DAB1: variants seen among roughly 807,000 people sequenced by gnomAD.
DAB1 encodes DAB adaptor protein 1, also known as disabled homolog 1.
A neutral mutation model predicts 64.6 loss-of-function variants in DAB1; 15 were observed. The observed-to-expected ratio is 0.23, with a 90% confidence interval of 0.16 to 0.36. The LOEUF (loss-of-function observed/expected upper bound fraction) is 0.36. DAB1 is among the 10% of genes least tolerant of loss of function. The pLI is 1.00. For missense variants in DAB1, 596 were observed against 706.7 expected, an observed-to-expected ratio of 0.84 and a Z score of 1.78; for synonymous variants, 235 against 251.9, an observed-to-expected ratio of 0.93 and a Z score of 0.64.
rs577260984 is a variant in DAB1 at position 57,597,943 on chromosome 1, T to A, written n.625+51649A>T. Among the ~76,000 whole-genome samples the A allele has an allele frequency of 3.3e-5, 5 of 152,330 alleles. No homozygotes were observed. In the East Asian group the frequency reaches 9.6e-4, roughly 29 times the overall value. ...TCTGATTCATTAGACCTTGGGTATG[T>A]ATCCACATTTTTATTTATTTTTTAG... is the stretch of plus-strand genomic sequence containing the variant. On this transcript the variant is annotated intron_variant and non_coding_transcript_variant, in intron 7 of 20. Coordinates refer to the DAB1 transcript ENST00000485760.
intron 6 of DAB1, among the ~76,000 whole-genome samples, chr1:57,719,940 T>A (rs986181646): frequency 2.0e-5 from 3 of 152,238 alleles, no homozygotes; most frequent in African/African-American, 7.2e-5. Context: ...AGCTGTTACT[T>A]ATCATTCTAT....
At chr1:57,043,356 A>G (rs1394527540) in intron 9 of DAB1, among the ~76,000 whole-genome samples, 1 of 152,162 alleles carries the variant, frequency 6.6e-6, no homozygotes, top group African/African-American at 2.4e-5. Flanking sequence ...GTCACAAGCT[A>G]CTTTAGATTC....
Position 58,303,418 on chromosome 1 carries a change from G to A in DAB1, n.309+39934C>T, listed in dbSNP as rs78224257. Among the ~76,000 whole-genome samples, 540 of 152,262 alleles carry A rather than the reference G, an allele frequency of 3.5e-3. 2 individuals carry two copies. Among genetic ancestry groups the A allele is most frequent in the Admixed American group, 6.6e-3 (101 of 15,276 alleles). On this transcript the variant is annotated intron_variant and non_coding_transcript_variant, in intron 4 of 20. Coordinates refer to the DAB1 transcript ENST00000485760. ...TGATGGTCCTTCCCAGACCCTGACT[G>A]ATACAAGTTTAATATGGAGATGAAC... is the stretch of plus-strand genomic sequence containing the variant.
intron 7 of DAB1, among the ~76,000 whole-genome samples, chr1:57,439,573 C>T (rs905711651): frequency 5.4e-5 from 8 of 148,604 alleles, no homozygotes; most frequent in East Asian, 2.0e-4. Flanking sequence ...GGACTACAGG[C>T]GCCCGCCACC....
At chr1:58,137,402 A>G (rs140275458) in intron 5 of DAB1, among the ~76,000 whole-genome samples, 2 of 152,178 alleles carry the variant, frequency 1.3e-5, no homozygotes, top group Non-Finnish European at 2.9e-5. Flanking sequence ...TGAATCAAAG[A>G]GAATGAGTAT....
chr1:58,143,316 T>C (rs780715701), intron 5 of DAB1, among the ~76,000 whole-genome samples: 5 of 152,062 alleles, frequency 3.3e-5, no homozygotes, highest in Non-Finnish European at 7.4e-5. Context: ...CACTCAATAA[T>C]GGAGATGAGG....
chr1:57,370,154 TCA>T (rs1558255176), intron 1 of DAB1, among the ~76,000 whole-genome samples: 1 of 152,210 alleles, frequency 6.6e-6, no homozygotes, highest in Non-Finnish European at 1.5e-5. Context: ...TGCTTGTTTC[TCA>T]GTCTCCTCAC....
chr1:57,295,999 C>T (rs774880026), intron 1 of DAB1, among the ~76,000 whole-genome samples: 15 of 152,268 alleles, frequency 9.9e-5, no homozygotes, highest in Middle Eastern at 3.4e-3. Flanking sequence ...TTGGATGGCA[C>T]ACACCCAGTC....
chr1:58,430,075 C>T (rs1644856130), intron 3 of DAB1, among the ~76,000 whole-genome samples: 1 of 152,194 alleles, frequency 6.6e-6, no homozygotes, highest in Non-Finnish European at 1.5e-5. Flanking sequence ...CCTTCCTGAT[C>T]TAATCACCTC....
Position 57,344,010 on chromosome 1 carries a change from T to C in DAB1, c.-136-52844A>G, listed in dbSNP as rs1312637969. On this transcript the variant is annotated intron_variant, in intron 1 of 14. Coordinates refer to ENST00000371236, the MANE Select transcript of DAB1 (RefSeq NM_001365792.1). ...AGATCCACTGATGTGCCAGCCACTG[T>C]GTAAGCACATTACCTAGAGTATATC... Among the ~76,000 whole-genome samples the C allele has an allele frequency of 2.0e-5, 3 of 152,284 alleles. No individual in the cohort carries two copies. In the East Asian group the frequency reaches 5.8e-4, roughly 29 times the overall value.
At chr1:58,309,676 T>C (rs763715092) in intron 4 of DAB1, among the ~76,000 whole-genome samples, 1 of 152,182 alleles carries the variant, frequency 6.6e-6, no homozygotes, top group Non-Finnish European at 1.5e-5. Context: ...AATCTTGGAA[T>C]GGGGTAAAGT....
At chr1:58,333,783 G>T (rs1218859134) in intron 4 of DAB1, among the ~76,000 whole-genome samples, 1 of 152,182 alleles carries the variant, frequency 6.6e-6, no homozygotes, top group African/African-American at 2.4e-5. Flanking sequence ...ATGAAAGAAT[G>T]CATAAAAGAA....
At chr1:57,795,695 A>T (rs1204079795) in intron 6 of DAB1, among the ~76,000 whole-genome samples, 1 of 29,108 alleles carries the variant, frequency 3.4e-5, no homozygotes, top group African/African-American at 1.4e-4. Context: ...TTGGAGATAT[A>T]TATATATATA....
chr1:57,525,388 T>C (rs961202115), intron 7 of DAB1, among the ~76,000 whole-genome samples: 5 of 151,874 alleles, frequency 3.3e-5, no homozygotes, highest in Non-Finnish European at 5.9e-5. Context: ...ACTCAAGAGA[T>C]CTGTTGAAGT....
intron 7 of DAB1, among the ~76,000 whole-genome samples, chr1:57,432,651 C>T (rs1195590740): frequency 6.6e-6 from 1 of 152,156 alleles, no homozygotes; most frequent in Non-Finnish European, 1.5e-5. Context: ...TTAGCCATGC[C>T]AGAAGCCAAC....
chr1:58,212,191 G>A (rs1348030341), intron 4 of DAB1, among the ~76,000 whole-genome samples: 1 of 152,190 alleles, frequency 6.6e-6, no homozygotes, highest in Non-Finnish European at 1.5e-5. Context: ...CATGGTTCAA[G>A]TGGAAGTCTC....
At chr1:57,434,844 T>C (rs1407972657) in intron 7 of DAB1, among the ~76,000 whole-genome samples, 1 of 152,066 alleles carries the variant, frequency 6.6e-6, no homozygotes, top group Non-Finnish European at 1.5e-5. Context: ...AAAGATAAAA[T>C]ATGCTCTACC....
chr1:58,159,240 C>T (rs1419655195), intron 4 of DAB1, among the ~76,000 whole-genome samples: 1 of 152,178 alleles, frequency 6.6e-6, no homozygotes, highest in Non-Finnish European at 1.5e-5. Context: ...ACATGTACAG[C>T]ATGTAGGACA....
intron 7 of DAB1, among the ~76,000 whole-genome samples, chr1:57,646,730 C>T (rs1646195934): frequency 6.6e-6 from 1 of 152,130 alleles, no homozygotes; most frequent in African/African-American, 2.4e-5. Flanking sequence ...GCATGGGTGA[C>T]AGAGCGAGAC....
Sources: gnomAD v4.1 joint callset for allele counts (sites outside exome capture counted in the v4.1 genomes callset) on GRCh38, gnomAD v4.1.1 for gene constraint, MANE v1.5 for transcripts, NCBI Gene and HGNC (gene_info 2026-07-23, HGNC 2026-07-21) for gene names.